TACC1: variants seen among roughly 807,000 people sequenced by gnomAD.
TACC1 encodes the protein transforming acidic coiled-coil containing protein 1.
In TACC1, 48 loss-of-function variants were observed where a neutral mutation model predicts 84.4. That is an observed-to-expected ratio of 0.57 (90% CI 0.45 to 0.72). The LOEUF is 0.72. Ranked by LOEUF, TACC1 falls within the 30% of genes least tolerant of loss-of-function variation. The probability of loss-of-function intolerance (pLI) is 0.00; values close to 1 mark genes in which losing one functional copy is unlikely to be tolerated. For missense variants in TACC1, 920 were observed against 973.0 expected, an observed-to-expected ratio of 0.95 and a Z score of 0.72; for synonymous variants, 372 against 376.3, an observed-to-expected ratio of 0.99 and a Z score of 0.13.
chr8:38,757,292 C>T, intron 3 of TACC1: 1 of 1,249,708 alleles, frequency 8.0e-7, no homozygotes, highest in Non-Finnish European at 1.0e-6. Context: ...CGCCCGCCGC[C>T]CAGCACAGGA....
At position 38,849,876 on chromosome 8, in the gene TACC1, C is replaced by T. The variant is rs945217616; in HGVS notation, c.*1853C>T. ...CCTAGTGGTCATAGTACCAAGGGCA[C>T]GTGTCTCCCCTTGGTATAACTGATT... On this transcript the variant is annotated 3_prime_UTR_variant, in exon 13 of 13. Transcript: ENST00000317827. 3 of 152,634 alleles carry T rather than the reference C, an allele frequency of 2.0e-5. No individual in the cohort carries two copies. Among genetic ancestry groups the T allele is most frequent in the Admixed American group, 6.5e-5 (1 of 15,280 alleles). 9.5% of individuals were successfully genotyped at this position (152,634 alleles called of 1,614,324 possible).
chr8:38,789,814 A>T (rs1382365677), intron 2 of TACC1, among the ~76,000 whole-genome samples: 1 of 152,194 alleles, frequency 6.6e-6, no homozygotes, highest in Non-Finnish European at 1.5e-5. Context: ...GGTTCATGGT[A>T]CAGTTTGAGG....
At chr8:38,823,984 C>T (rs1827466869) in intron 3 of TACC1, 2 of 1,351,780 alleles carry the variant, frequency 1.5e-6, no homozygotes, top group Non-Finnish European at 2.0e-6. Context: ...TTTGTTGGTG[C>T]ATCAGGACTA....
intron 3 of TACC1, chr8:38,824,088 C>G: frequency 8.3e-7 from 1 of 1,211,504 alleles, no homozygotes; most frequent in South Asian, 1.2e-5. Context: ...CTCCCCTCCC[C>G]CAGCCATCTC....
intron 6 of TACC1, among the ~76,000 whole-genome samples, chr8:38,835,186 G>A (rs1277919979): frequency 2.0e-5 from 3 of 151,762 alleles, no homozygotes; most frequent in Admixed American, 6.6e-5. Flanking sequence ...CCCGGGAGGC[G>A]GAGCTTGCAG....
chr8:38,743,499 G>C (rs1807483502), intron 2 of TACC1, among the ~76,000 whole-genome samples: 1 of 152,218 alleles, frequency 6.6e-6, no homozygotes, highest in African/African-American at 2.4e-5. Context: ...TAGGGTTAGG[G>C]CTAGTTTACA....
chr8:38,795,281 A>G (rs1819706108), intron 2 of TACC1, among the ~76,000 whole-genome samples: 1 of 152,240 alleles, frequency 6.6e-6, no homozygotes, highest in Non-Finnish European at 1.5e-5. Context: ...CAGGGAAGCA[A>G]AGTCTACCTG....
intron 3 of TACC1, among the ~76,000 whole-genome samples, chr8:38,762,293 C>T (rs1811359643): frequency 6.6e-6 from 1 of 152,166 alleles, no homozygotes. Flanking sequence ...CTCCTTCCCC[C>T]AGCCCCCGGC....
At chr8:38,807,205 C>A (rs1008437828) in intron 2 of TACC1, among the ~76,000 whole-genome samples, 55 of 152,136 alleles carry the variant, frequency 3.6e-4, no homozygotes, top group African/African-American at 1.3e-3. Context: ...TGGTCTTCAG[C>A]CCCCTTCCCT....
At chr8:38,732,811 T>G (rs1211772844) in intron 1 of TACC1, among the ~76,000 whole-genome samples, 1 of 152,222 alleles carries the variant, frequency 6.6e-6, no homozygotes, top group African/African-American at 2.4e-5. Context: ...TAGGGCTATC[T>G]AATTTGGGTA....
At chr8:38,846,552 C>G in intron 11 of TACC1, 147 bp from the exon 12 acceptor site, 1 of 843,100 alleles carries the variant, frequency 1.2e-6, no homozygotes, top group Non-Finnish European at 1.7e-6. Flanking sequence ...TTATTTAGGT[C>G]ACCGATTTTT....
intron 3 of TACC1, among the ~76,000 whole-genome samples, chr8:38,765,909 C>G (rs1168348855): frequency 6.6e-6 from 1 of 151,952 alleles, no homozygotes; most frequent in Non-Finnish European, 1.5e-5. Flanking sequence ...AATTTTCAGT[C>G]CATCTTAAGG....
At chr8:38,838,430 T>A (rs1363843701) in intron 7 of TACC1, 40 bp from the exon 8 acceptor site, 1 of 1,479,648 alleles carries the variant, frequency 6.8e-7, no homozygotes, top group Non-Finnish European at 9.4e-7. Flanking sequence ...AAATGCAAAT[T>A]GTAATAGATT....
rs969158857 is a variant in TACC1 at position 38,738,844 on chromosome 8, G to A, written c.-674-3507G>A. On this transcript the variant is annotated intron_variant, in intron 1 of 14. Coordinates refer to the TACC1 transcript ENST00000518415. ...GCTTGTTGATACTGGGGTGCCATTGGTTCTAGGCCCTCTCAGCTGATAGGG... is the reference window on the plus strand; with the variant it reads ...GCTTGTTGATACTGGGGTGCCATTGATTCTAGGCCCTCTCAGCTGATAGGG... Among the ~76,000 whole-genome samples the A allele has an allele frequency of 7.9e-5, 12 of 152,088 alleles. 1 individual carries two copies. Among genetic ancestry groups the A allele is most frequent in the African/African-American group, 2.9e-4 (12 of 41,410 alleles).
intron 2 of TACC1, among the ~76,000 whole-genome samples, chr8:38,811,529 C>G (rs971898581): frequency 1.3e-5 from 2 of 152,170 alleles, no homozygotes; most frequent in Admixed American, 1.3e-4. Context: ...AAAATTAATA[C>G]TTTTATAATT....
intron 6 of TACC1, among the ~76,000 whole-genome samples, chr8:38,831,955 C>T (rs553580869): frequency 5.3e-5 from 8 of 152,014 alleles, no homozygotes; most frequent in African/African-American, 1.7e-4. Flanking sequence ...TACAGGCATG[C>T]GCCACCACGC....
At chr8:38,806,136 G>T (rs1185585694) in intron 2 of TACC1, among the ~76,000 whole-genome samples, 1 of 152,152 alleles carries the variant, frequency 6.6e-6, no homozygotes, top group Non-Finnish European at 1.5e-5. Flanking sequence ...GAGATACCTG[G>T]CCCCAGTGTG....
chr8:38,791,826 A>G (rs998025876), intron 2 of TACC1, among the ~76,000 whole-genome samples: 3 of 152,132 alleles, frequency 2.0e-5, no homozygotes, highest in Non-Finnish European at 4.4e-5. Context: ...CCTGGTACAT[A>G]ATGGCCCTCA....
chr8:38,733,230 C>G (rs1283594003), intron 1 of TACC1, among the ~76,000 whole-genome samples: 2 of 152,094 alleles, frequency 1.3e-5, no homozygotes, highest in African/African-American at 4.8e-5. Context: ...CAGAGACGAT[C>G]CCAGCTGTGG....
Sources: gnomAD v4.1 joint callset for allele counts (sites outside exome capture counted in the v4.1 genomes callset) on GRCh38, gnomAD v4.1.1 for gene constraint, MANE v1.5 for transcripts, NCBI Gene and HGNC (gene_info 2026-07-23, HGNC 2026-07-21) for gene names.